Variants in SPARCL1 observed in about 807,000 individuals in gnomAD.
SPARCL1 encodes SPARC like 1, also known as SPARC-like protein 1.
In SPARCL1, 52 loss-of-function variants were observed where a neutral mutation model predicts 67.1. The observed-to-expected ratio is 0.78, with a 90% CI of 0.62 to 0.98. The LOEUF (loss-of-function observed/expected upper bound fraction) is 0.98, where lower values mean the gene tolerates loss of function less well. Among genes scored for constraint, SPARCL1 ranks in the 50% least tolerant of loss-of-function variants. The pLI, the probability that SPARCL1 is intolerant of heterozygous loss-of-function variation, is 0.00. For synonymous variants in SPARCL1, 226 were observed against 267.8 expected (o/e 0.84, Z 1.52); for missense variants, 717 against 782.4 (o/e 0.92, Z 1.00).
At chr4:87,482,050 C>T (rs1578094681) in intron 8 of SPARCL1, among the ~76,000 whole-genome samples, 1 of 152,182 alleles carries the variant, frequency 6.6e-6, no homozygotes, top group Non-Finnish European at 1.5e-5. Flanking sequence ...AATGGATTTA[C>T]TTTATATCAT....
intron 1 of SPARCL1, among the ~76,000 whole-genome samples, chr4:87,505,386 G>A (rs146622302): frequency 3.3e-5 from 5 of 151,928 alleles, no homozygotes; most frequent in East Asian, 1.9e-4. Context: ...CTCTATTAGC[G>A]ATGATAATTT....
chr4:87,479,341 T>TC, intron 10 of SPARCL1, 89 bp downstream of exon 10: 1 of 1,352,604 alleles, frequency 7.4e-7, no homozygotes, highest in Non-Finnish European at 1.0e-6. Flanking sequence ...AATTCGAACA[T>TC]GTGGCAGGAC....
intron 8 of SPARCL1, among the ~76,000 whole-genome samples, chr4:87,481,490 G>A (rs751461401): frequency 2.0e-5 from 3 of 152,084 alleles, no homozygotes; most frequent in Non-Finnish European, 4.4e-5. Context: ...AGTCTCTGTT[G>A]AACTCTGTCC....
chr4:87,491,698 A>ATAACAAGAG lies in SPARCL1; in HGVS notation c.1219-17_1219-9dup. ...GTTCTCTGCTTTCTTGGCCTTTAGA[A>ATAACAAGAG]TAACAAGAGCAAAAGTTAAAATCTA... is the stretch of plus-strand genomic sequence containing the variant. On this transcript the variant is annotated splice_polypyrimidine_tract_variant and intron_variant, in intron 4 of 10. Coordinates refer to ENST00000282470, the MANE Select transcript of SPARCL1 (RefSeq NM_004684.6). The ATAACAAGAG allele has an allele frequency of 1.9e-6, 3 of 1,606,546 alleles. No individual in the cohort carries two copies. The Admixed American group carries it at 5.0e-5, about 27-fold the overall frequency.
Position 87,485,055 on chromosome 4 carries a change from ATTTC to A in SPARCL1, c.1532-2499_1532-2496del, listed in dbSNP as rs1013725772. ...CTGTCTTCCTATTTGAATACGCTTT[ATTTC>A]TTTCTCTTGCCTGACTGCCCTGGCC... On this transcript the variant is annotated intron_variant, in intron 7 of 10. Transcript: ENST00000282470. Among the ~76,000 whole-genome samples, 15 of 151,756 alleles carry A rather than the reference ATTTC, an allele frequency of 9.9e-5. 1 individual carries two copies. The highest frequency in any genetic ancestry group is 7.9e-4 in the Admixed American group (12 of 15,224).
chr4:87,499,389 G>T, intron 2 of SPARCL1, 132 bp downstream of exon 2: 1 of 821,400 alleles, frequency 1.2e-6, no homozygotes. Flanking sequence ...TTGTTACTTG[G>T]GCAATAAAGA....
At chr4:87,514,800 T>A (rs1257562464) in intron 1 of SPARCL1, among the ~76,000 whole-genome samples, 1 of 152,238 alleles carries the variant, frequency 6.6e-6, no homozygotes, top group East Asian at 1.9e-4. Context: ...TGGAGAACTT[T>A]CCTGGGAAAT....
chr4:87,499,374 T>G, intron 2 of SPARCL1, 147 bp downstream of exon 2: 1 of 760,296 alleles, frequency 1.3e-6, no homozygotes, highest in Non-Finnish European at 2.1e-6. Context: ...TTTCCAGTTA[T>G]TTGTTTGTTA....
Position 87,494,447 on chromosome 4 carries a change from C to T in SPARCL1, c.353G>A (p.Gly118Asp), listed in dbSNP as rs1252627724. Residue 118 changes from glycine to aspartate, a missense_variant, in exon 4 of 11, where the codon GGT (glycine) becomes GAT (aspartate). Transcript: ENST00000282470. ...CATATCTTCTTTTATGTCCAATGTACCTTCAGTTGGTGCATACTCCAAATT... is the reference window on the plus strand; with the variant it reads ...CATATCTTCTTTTATGTCCAATGTATCTTCAGTTGGTGCATACTCCAAATT... ...SVNLEYAPTE[G>D]TLDIKEDMSE... The T allele has an allele frequency of 1.2e-6, 2 of 1,614,064 alleles. No individual in the cohort carries two copies. The highest frequency in any genetic ancestry group is 1.7e-6 in the Non-Finnish European group (2 of 1,180,022).
At chr4:87,510,477 C>G (rs1725301251) in intron 1 of SPARCL1, among the ~76,000 whole-genome samples, 1 of 152,140 alleles carries the variant, frequency 6.6e-6, no homozygotes, top group Non-Finnish European at 1.5e-5. Flanking sequence ...CATCCTGTGC[C>G]CATAAAGACC....
intron 5 of SPARCL1, among the ~76,000 whole-genome samples, chr4:87,491,186 C>T (rs1281137906): frequency 6.6e-6 from 1 of 152,168 alleles, no homozygotes; most frequent in Non-Finnish European, 1.5e-5. Context: ...TGGTCATAGT[C>T]TGAAGTCCTT....
At chr4:87,494,892 T>G in intron 3 of SPARCL1, 89 bp downstream of exon 3, 1 of 1,217,520 alleles carries the variant, frequency 8.2e-7, no homozygotes, top group Non-Finnish European at 1.1e-6. Context: ...AACTGAGACA[T>G]AAATAACATA....
At chr4:87,506,355 A>T (rs1336243340) in intron 1 of SPARCL1, among the ~76,000 whole-genome samples, 1 of 152,216 alleles carries the variant, frequency 6.6e-6, no homozygotes, top group Non-Finnish European at 1.5e-5. Context: ...ATGCCCAGAT[A>T]TCTACTTAGA....
At position 87,494,092 on chromosome 4, in the gene SPARCL1, G is replaced by T; in HGVS notation, c.708C>A (p.Asp236Glu). The change falls in exon 4 of 11, where the codon GAC becomes GAA. Residue 236 changes from aspartate to glutamate, a missense_variant. By Grantham distance (45) the Asp-to-Glu change is conservative. Transcript: ENST00000282470. ...CCAAAATATCATCAGATTGGGTATT[G>T]TCTTCCTCCTGCTTGCTGTTAGCAT... The part of the protein sequence containing the change: ...REHANSKQEE[D>E]NTQSDDILEE... 3.1e-6 allele frequency: 5 copies of T among 1,613,840 alleles called. No individual in the cohort carries two copies. Among genetic ancestry groups the T allele is most frequent in the Non-Finnish European group, 4.2e-6 (5 of 1,180,012 alleles).
Position 87,480,605 on chromosome 4 carries a change from G to A in SPARCL1, c.1669-85C>T, listed in dbSNP as rs1723780704. 3 of 1,310,718 alleles carry A rather than the reference G, an allele frequency of 2.3e-6. No homozygotes were observed. The East Asian group carries it at 7.0e-5, about 31-fold the overall frequency. The allele number at this position is 1,310,718 out of a possible 1,614,324, so 81.2% of individuals were successfully genotyped here. On this transcript the variant is annotated intron_variant, in intron 8 of 10. Coordinates refer to ENST00000282470, the MANE Select transcript of SPARCL1 (RefSeq NM_004684.6). Reference sequence around the variant, plus strand: ...TTGCTATAAACTTTACTTGAAGAGTGACAGTAACACGATAGGGGAAAACAA... The same window carrying A: ...TTGCTATAAACTTTACTTGAAGAGTAACAGTAACACGATAGGGGAAAACAA...
intron 1 of SPARCL1, among the ~76,000 whole-genome samples, chr4:87,511,967 C>CTTTTTTTTTTTTTTTTTTT (rs3037337): frequency 8.2e-6 from 1 of 121,566 alleles, no homozygotes. Context: ...CTTTCTTTCT[C>CTTTTTTTTTTTTTTTTTTT]TTTTTTTTTT....
intron 10 of SPARCL1, 27 bp from the exon 11 acceptor site, chr4:87,473,830 C>T (rs1246928790): frequency 1.9e-6 from 3 of 1,567,796 alleles, no homozygotes; most frequent in Non-Finnish European, 2.6e-6. Flanking sequence ...AGCAAAATGA[C>T]ACTTTTAGAA....
intron 6 of SPARCL1, 119 bp from the exon 7 acceptor site, chr4:87,490,512 G>A: frequency 8.4e-7 from 1 of 1,195,848 alleles, no homozygotes; most frequent in Non-Finnish European, 1.2e-6. Flanking sequence ...TCAGGTAGGT[G>A]AGACTATTAA....
intron 7 of SPARCL1, among the ~76,000 whole-genome samples, chr4:87,486,571 T>G (rs1724066443): frequency 6.6e-6 from 1 of 152,176 alleles, no homozygotes; most frequent in Non-Finnish European, 1.5e-5. Context: ...TAGATGTCTA[T>G]TAGGTCTGCT....
Sources: gnomAD v4.1 joint callset for allele counts (sites outside exome capture counted in the v4.1 genomes callset) on GRCh38, gnomAD v4.1.1 for gene constraint, MANE v1.5 for transcripts, NCBI Gene and HGNC (gene_info 2026-07-23, HGNC 2026-07-21) for gene names.